Variants in CHRM3 observed in about 807,000 individuals in gnomAD.
CHRM3 encodes the protein muscarinic acetylcholine receptor M3.
A neutral mutation model predicts 41.8 loss-of-function variants in CHRM3; 11 were observed. The observed-to-expected ratio is 0.26, with a 90% CI of 0.17 to 0.44. The LOEUF is 0.44. CHRM3 is among the 20% of genes least tolerant of loss of function. CHRM3 has a pLI of 1.00. For missense variants in CHRM3, 571 were observed against 745.4 expected, an observed-to-expected ratio of 0.77 and a Z score of 2.72; for synonymous variants, 297 against 301.4, an observed-to-expected ratio of 0.99 and a Z score of 0.15.
chr1:239,702,850 C>A (rs1031367501), intron 5 of CHRM3, among the ~76,000 whole-genome samples: 1 of 152,188 alleles, frequency 6.6e-6, no homozygotes, highest in African/African-American at 2.4e-5. Context: ...AAGAAAGTAG[C>A]CTGTTACAGG....
chr1:239,831,816 G>T (rs1672916854), intron 6 of CHRM3, among the ~76,000 whole-genome samples: 1 of 152,138 alleles, frequency 6.6e-6, no homozygotes. Flanking sequence ...ATGAAATCAG[G>T]TGTTATATAG....
intron 3 of CHRM3, among the ~76,000 whole-genome samples, chr1:239,592,154 A>T (rs1664245827): frequency 6.6e-6 from 1 of 152,168 alleles, no homozygotes; most frequent in Non-Finnish European, 1.5e-5. Context: ...TTAAAAATAG[A>T]TAGAGTCCAT....
At chr1:239,600,797 T>TTTCCTTCC (rs377366936) in intron 3 of CHRM3, among the ~76,000 whole-genome samples, 186 of 150,562 alleles carry the variant, frequency 1.2e-3, no homozygotes, top group Non-Finnish European at 1.8e-3. Context: ...CTTCCTTTTC[T>TTTCCTTCC]TTCCTTCCTT....
intron 6 of CHRM3, among the ~76,000 whole-genome samples, chr1:239,905,709 T>C (rs1679915330): frequency 1.3e-5 from 2 of 152,026 alleles, no homozygotes; most frequent in Non-Finnish European, 2.9e-5. Flanking sequence ...AAAAATATAA[T>C]ATAATAAATA....
intron 3 of CHRM3, among the ~76,000 whole-genome samples, chr1:239,552,627 ATAT>A (rs78726802): frequency 0.32 from 44,316 of 139,536 alleles, 7,013 homozygotes; most frequent in Middle Eastern, 0.51. Flanking sequence ...CACCTGACTA[ATAT>A]TATTATTATT....
chr1:239,776,617 T>A (rs1440999596), intron 5 of CHRM3, among the ~76,000 whole-genome samples: 2 of 152,106 alleles, frequency 1.3e-5, no homozygotes, highest in African/African-American at 2.4e-5. Context: ...AAAAATTCGC[T>A]AAATGAGGGC....
At chr1:239,682,769 A>C (rs1315217108) in intron 5 of CHRM3, among the ~76,000 whole-genome samples, 1 of 152,190 alleles carries the variant, frequency 6.6e-6, no homozygotes, top group African/African-American at 2.4e-5. Context: ...AAATGCTTCA[A>C]AAATATATGT....
At chr1:239,393,338 G>A (rs1464324928) in intron 1 of CHRM3, among the ~76,000 whole-genome samples, 2 of 152,122 alleles carry the variant, frequency 1.3e-5, no homozygotes, top group Non-Finnish European at 2.9e-5. Context: ...TTTTCTTAGT[G>A]CAAAATAGTC....
intron 6 of CHRM3, among the ~76,000 whole-genome samples, chr1:239,898,685 AT>A: frequency 6.6e-6 from 1 of 152,162 alleles, no homozygotes; most frequent in Non-Finnish European, 1.5e-5. Context: ...GCCCTCAAAC[AT>A]TTTTCCCAAG....
chr1:239,608,777 A>G (rs1437035099), intron 3 of CHRM3, among the ~76,000 whole-genome samples: 5 of 152,344 alleles, frequency 3.3e-5, no homozygotes, highest in South Asian at 2.1e-4. Flanking sequence ...ATGTAAAACT[A>G]TTAGACAGAA....
At position 239,817,003 on chromosome 1, in the gene CHRM3, G is replaced by A. The variant is rs961397940; in HGVS notation, c.-146-10249G>A. On this transcript the variant is annotated intron_variant, in intron 5 of 6. Coordinates refer to ENST00000676153, the MANE Select transcript of CHRM3 (RefSeq NM_001375978.1). Reference sequence around the variant, plus strand: ...CTCCCAAAGTGCTGGGATTACAGGCGTGAGCCACCACGCCCAGCTGCCTCA... The same window carrying A: ...CTCCCAAAGTGCTGGGATTACAGGCATGAGCCACCACGCCCAGCTGCCTCA... 3.9e-5 allele frequency among the ~76,000 whole-genome samples: 6 copies of A among 152,238 alleles called. No individual in the cohort carries two copies. The East Asian group carries it at 5.8e-4, about 15-fold the overall frequency.
At chr1:239,787,922 T>C (rs920597200) in intron 5 of CHRM3, among the ~76,000 whole-genome samples, 27 of 152,326 alleles carry the variant, frequency 1.8e-4, no homozygotes, top group African/African-American at 6.5e-4. Flanking sequence ...GTAATTGTTA[T>C]TTCACTGTAA....
intron 6 of CHRM3, among the ~76,000 whole-genome samples, chr1:239,832,667 A>G (rs1287655891): frequency 6.6e-6 from 1 of 151,980 alleles, no homozygotes; most frequent in Non-Finnish European, 1.5e-5. Flanking sequence ...CATTTCCGAG[A>G]GTAAGAGGAA....
intron 1 of CHRM3, among the ~76,000 whole-genome samples, chr1:239,450,078 C>T (rs1180242304): frequency 1.3e-5 from 2 of 152,200 alleles, no homozygotes; most frequent in South Asian, 2.1e-4. Context: ...TTGCCTTTGT[C>T]GATTACATGT....
Position 239,781,672 on chromosome 1 carries a change from C to T in CHRM3, c.-146-45580C>T, listed in dbSNP as rs764005372. On this transcript the variant is annotated intron_variant, in intron 5 of 6. Coordinates refer to ENST00000676153, the MANE Select transcript of CHRM3 (RefSeq NM_001375978.1). ...TGTCATGTTGAAAAGCAGTGGTGAG[C>T]GGGGACATCCTTGCCTTGTACATGA... Among the ~76,000 whole-genome samples the T allele has an allele frequency of 1.7e-4, 26 of 152,136 alleles. No individual in the cohort carries two copies. The South Asian group carries it at 3.3e-3, about 19-fold the overall frequency.
At chr1:239,412,158 T>C (rs1416366077) in intron 1 of CHRM3, among the ~76,000 whole-genome samples, 3 of 150,564 alleles carry the variant, frequency 2.0e-5, no homozygotes, top group East Asian at 2.0e-4. Flanking sequence ...TTTTGTATTA[T>C]TTTTTGGTTT....
At chr1:239,390,222 T>G (rs1009257052) in intron 1 of CHRM3, among the ~76,000 whole-genome samples, 1 of 152,222 alleles carries the variant, frequency 6.6e-6, no homozygotes, top group African/African-American at 2.4e-5. Flanking sequence ...CATAATAAAA[T>G]GTGCCTTTAT....
intron 5 of CHRM3, among the ~76,000 whole-genome samples, chr1:239,728,633 A>G (rs2148402531): frequency 6.6e-6 from 1 of 152,150 alleles, no homozygotes; most frequent in African/African-American, 2.4e-5. Context: ...CTTCTCATGT[A>G]GCTGAAGGTG....
chr1:239,846,901 G>T (rs1371861643), intron 6 of CHRM3, among the ~76,000 whole-genome samples: 1 of 152,136 alleles, frequency 6.6e-6, no homozygotes, highest in Non-Finnish European at 1.5e-5. Context: ...CTATATAAAT[G>T]ATCTTATTTA....
Sources: allele counts gnomAD v4.1 joint callset (sites outside exome capture counted in the v4.1 genomes callset), GRCh38; gene constraint gnomAD v4.1.1; transcripts MANE v1.5; gene names NCBI Gene and HGNC (gene_info 2026-07-23, HGNC 2026-07-21).